TMEM132D: variants seen among roughly 807,000 people sequenced by gnomAD.
The protein encoded by TMEM132D is mature OL transmembrane protein.
TMEM132D carries 21 observed loss-of-function variants against 62.3 expected under a neutral mutation model. That is an observed-to-expected ratio of 0.34 (90% CI 0.24 to 0.49). The LOEUF (loss-of-function observed/expected upper bound fraction) is 0.49. Ranked by LOEUF, TMEM132D falls within the 20% of genes least tolerant of loss-of-function variation. TMEM132D has a pLI of 0.99. For synonymous variants in TMEM132D, 621 were observed against 575.6 expected (o/e 1.08, Z -1.13); for missense variants, 1,346 against 1,402.8 (o/e 0.96, Z 0.65).
intron 3 of TMEM132D, among the ~76,000 whole-genome samples, chr12:129,373,739 T>C (rs1370628751): frequency 6.6e-6 from 1 of 152,148 alleles, no homozygotes; most frequent in East Asian, 1.9e-4. Flanking sequence ...TTATGTTCAG[T>C]GGTTCATCTG....
At chr12:129,581,910 G>A (rs1004633950) in intron 2 of TMEM132D, among the ~76,000 whole-genome samples, 1 of 152,164 alleles carries the variant, frequency 6.6e-6, no homozygotes, top group African/African-American at 2.4e-5. Flanking sequence ...CACGCAGACT[G>A]AGACAGTCAA....
chr12:129,433,755 G>T (rs1269418788), intron 3 of TMEM132D, among the ~76,000 whole-genome samples: 4 of 152,278 alleles, frequency 2.6e-5, no homozygotes, highest in South Asian at 4.1e-4. Context: ...GCTAAGGGAG[G>T]TGGTGAAACC....
chr12:129,465,379 A>G (rs1273959485), intron 3 of TMEM132D, among the ~76,000 whole-genome samples: 1 of 152,156 alleles, frequency 6.6e-6, no homozygotes, highest in Non-Finnish European at 1.5e-5. Context: ...CCCTTTGAAA[A>G]CTGGCACAAG....
chr12:129,532,342 G>A (rs1876253470), intron 2 of TMEM132D, among the ~76,000 whole-genome samples: 1 of 152,122 alleles, frequency 6.6e-6, no homozygotes, highest in African/African-American at 2.4e-5. Context: ...GTAAGGCAAT[G>A]GTGCCAGAGC....
At chr12:129,195,070 T>C (rs1464702425) in intron 5 of TMEM132D, among the ~76,000 whole-genome samples, 1 of 152,174 alleles carries the variant, frequency 6.6e-6, no homozygotes, top group African/African-American at 2.4e-5. Context: ...GCAAAAAATA[T>C]AGGAAGGCTT....
At chr12:129,238,883 A>G (rs866597635) in intron 4 of TMEM132D, among the ~76,000 whole-genome samples, 19 of 152,332 alleles carry the variant, frequency 1.2e-4, no homozygotes, top group African/African-American at 4.6e-4. Context: ...TTCTATGTTC[A>G]ATTGAGGAAT....
intron 3 of TMEM132D, among the ~76,000 whole-genome samples, chr12:129,479,401 A>G (rs1435204695): frequency 6.6e-6 from 1 of 152,120 alleles, no homozygotes; most frequent in Non-Finnish European, 1.5e-5. Flanking sequence ...AGAGTGTCAG[A>G]ATCTGGAATT....
At chr12:129,075,538 C>T (rs1432143423) in intron 8 of TMEM132D, among the ~76,000 whole-genome samples, 1 of 152,174 alleles carries the variant, frequency 6.6e-6, no homozygotes, top group African/African-American at 2.4e-5. Flanking sequence ...CAGATAAAAG[C>T]CTCTGATCTA....
At chr12:129,866,881 A>C (rs925915634) in intron 1 of TMEM132D, among the ~76,000 whole-genome samples, 1 of 152,170 alleles carries the variant, frequency 6.6e-6, no homozygotes, top group Non-Finnish European at 1.5e-5. Flanking sequence ...GAGTCAGCCT[A>C]TGTGTCCATT....
At chr12:129,467,696 G>A (rs1873955882) in intron 3 of TMEM132D, among the ~76,000 whole-genome samples, 1 of 152,186 alleles carries the variant, frequency 6.6e-6, no homozygotes, top group Non-Finnish European at 1.5e-5. Flanking sequence ...TAGGCATGTG[G>A]GGACACTCTG....
chr12:129,150,663 C>A (rs1449021737), intron 5 of TMEM132D, among the ~76,000 whole-genome samples: 1 of 152,204 alleles, frequency 6.6e-6, no homozygotes, highest in Non-Finnish European at 1.5e-5. Context: ...TGCTCCTGAC[C>A]CTGGGCTTCT....
intron 3 of TMEM132D, among the ~76,000 whole-genome samples, chr12:129,427,411 T>A (rs1239043814): frequency 2.9e-5 from 2 of 68,352 alleles, no homozygotes; most frequent in African/African-American, 5.6e-5. Flanking sequence ...TGTTGTGGGG[T>A]CGGGGGAGGG....
intron 3 of TMEM132D, among the ~76,000 whole-genome samples, chr12:129,351,029 G>A (rs1282465430): frequency 6.6e-6 from 1 of 152,180 alleles, no homozygotes; most frequent in Non-Finnish European, 1.5e-5. Context: ...TAGGATGGCT[G>A]TCACCTCAAC....
chr12:129,878,704 G>C (rs551039302), intron 1 of TMEM132D, among the ~76,000 whole-genome samples: 1 of 152,212 alleles, frequency 6.6e-6, no homozygotes, highest in East Asian at 1.9e-4. Context: ...AGCTTCCCCA[G>C]TAGCTGGGAT....
chr12:129,113,862 C>G (rs1266379204), intron 5 of TMEM132D, among the ~76,000 whole-genome samples: 1 of 151,864 alleles, frequency 6.6e-6, no homozygotes, highest in African/African-American at 2.4e-5. Flanking sequence ...TGACAGAAGA[C>G]CAGGGGCCCA....
intron 2 of TMEM132D, among the ~76,000 whole-genome samples, chr12:129,636,698 A>ATGTGTGTGTGTGTG (rs542826978): frequency 0.017 from 1,883 of 107,742 alleles, 49 homozygotes; most frequent in Middle Eastern, 0.036. Context: ...TCATACAGAA[A>ATGTGTGTGTGTGTG]TGTGTGTGTG....
chr12:129,592,515 A>AT (rs1878222008), intron 2 of TMEM132D, among the ~76,000 whole-genome samples: 1 of 152,236 alleles, frequency 6.6e-6, no homozygotes, highest in South Asian at 2.1e-4. Flanking sequence ...CACACATACA[A>AT]TATGATATGT....
intron 3 of TMEM132D, among the ~76,000 whole-genome samples, chr12:129,344,741 T>G (rs1014083396): frequency 6.6e-6 from 1 of 152,166 alleles, no homozygotes; most frequent in African/African-American, 2.4e-5. Context: ...TGTCTCTGTT[T>G]CACTGTCATT....
intron 5 of TMEM132D, among the ~76,000 whole-genome samples, chr12:129,095,467 G>C (rs567382822): frequency 4.0e-5 from 6 of 148,808 alleles, no homozygotes; most frequent in African/African-American, 7.4e-5. Flanking sequence ...CAGTTCTCCT[G>C]CCTCAGCCTC....
Sources: allele counts gnomAD v4.1 joint callset (sites outside exome capture counted in the v4.1 genomes callset), GRCh38; gene constraint gnomAD v4.1.1; transcripts MANE v1.5; gene names NCBI Gene and HGNC (gene_info 2026-07-23, HGNC 2026-07-21).